SLC1A1: variants seen among roughly 807,000 people sequenced by gnomAD.
SLC1A1 encodes excitatory amino acid transporter 3.
In SLC1A1, 43 loss-of-function variants were observed where a neutral mutation model predicts 53.3. The ratio of observed to expected loss-of-function variants is 0.81; its 90% CI spans 0.63 to 1.04. The LOEUF is 1.04. SLC1A1 is among the 50% of genes least tolerant of loss of function. The probability of loss-of-function intolerance (pLI) is 0.00; values close to 1 mark genes in which losing one functional copy is unlikely to be tolerated. For synonymous variants in SLC1A1, 307 were observed against 243.2 expected (o/e 1.26, Z -2.44); for missense variants, 748 against 664.9 (o/e 1.12, Z -1.37).
At position 4,583,120 on chromosome 9, in the gene SLC1A1, G is replaced by T; in HGVS notation, c.1276G>T (p.Val426Leu). 5.0e-6 allele frequency: 8 copies of T among 1,614,170 alleles called. No homozygotes were observed. The highest frequency in any genetic ancestry group is 6.8e-6 in the Non-Finnish European group (8 of 1,180,024). ...LVTMVIVLSA[V>L]GLPAEDVTLI... ...GACCATGGTGATTGTGCTGAGTGCC[G>T]TGGGCCTGCCCGCCGAGGATGTCAC... The change falls in exon 11 of 12, where the codon GTG becomes TTG. Residue 426 changes from valine to leucine, a missense_variant. Coordinates refer to ENST00000262352, the MANE Select transcript of SLC1A1 (RefSeq NM_004170.6). The surrounding 1 kb of genome is among the most constrained non-coding windows in gnomAD (Gnocchi z 4.6).
chr9:4,556,621 G>T lies in SLC1A1; in HGVS notation c.233-4828G>T, dbSNP rs1426296388. 2.0e-5 allele frequency among the ~76,000 whole-genome samples: 3 copies of T among 152,178 alleles called. No homozygotes were observed. The highest frequency in any genetic ancestry group is 2.1e-4 in the South Asian group (1 of 4,834). On this transcript the variant is annotated intron_variant, in intron 2 of 11. Transcript: ENST00000262352. The surrounding 1 kb of genome is among the most constrained non-coding windows in gnomAD (Gnocchi z 4.1). ...AGGGCAAATGAGGTTTTACTTGTTT[G>T]GGACTAAGTTGGGCCTGATCTTCGA...
At chr9:4,573,509 C>G (rs1216095217) in intron 7 of SLC1A1, among the ~76,000 whole-genome samples, 10 of 152,102 alleles carry the variant, frequency 6.6e-5, no homozygotes, top group Non-Finnish European at 1.5e-5. Context: ...ATTGCTGATA[C>G]CTGGGAAACA....
At chr9:4,515,123 G>A (rs1821121729) in intron 1 of SLC1A1, among the ~76,000 whole-genome samples, 1 of 151,434 alleles carries the variant, frequency 6.6e-6, no homozygotes, top group African/African-American at 2.4e-5. Flanking sequence ...GCAGCTTCAA[G>A]GCAGCTGGAC....
intron 2 of SLC1A1, chr9:4,554,494 G>C (rs993350366): frequency 1.1e-4 from 16 of 152,260 alleles, no homozygotes. Context: ...GTTTAGGGTG[G>C]ATAATCAGGG....
At position 4,585,575 on chromosome 9, in the gene SLC1A1, T is replaced by C. The variant is rs767393387; in HGVS notation, c.*17T>C. On this transcript the variant is annotated 3_prime_UTR_variant, in exon 12 of 12. Transcript: ENST00000262352. ...CAGTTCTAGGGCCCCTGGCTGCAGA[T>C]GACTGGAAACAAGGAAGGACATTTC... 8 of 1,614,098 alleles carry C rather than the reference T, an allele frequency of 5.0e-6. No individual in the cohort carries two copies. Among genetic ancestry groups the C allele is most frequent in the African/African-American group, 1.3e-5 (1 of 74,936 alleles).
At chr9:4,561,021 A>G (rs988388760) in intron 2 of SLC1A1, among the ~76,000 whole-genome samples, 6 of 152,176 alleles carry the variant, frequency 3.9e-5, no homozygotes, top group African/African-American at 1.4e-4. Flanking sequence ...ACAAACAACA[A>G]CAACAACAAA....
intron 2 of SLC1A1, among the ~76,000 whole-genome samples, chr9:4,559,090 C>T (rs1564037104): frequency 6.6e-6 from 1 of 152,130 alleles, no homozygotes; most frequent in Non-Finnish European, 1.5e-5. Flanking sequence ...AGATAGTGAA[C>T]TTGTTTCTGA....
At chr9:4,522,672 A>G (rs1275185591) in intron 1 of SLC1A1, among the ~76,000 whole-genome samples, 1 of 152,190 alleles carries the variant, frequency 6.6e-6, no homozygotes, top group Non-Finnish European at 1.5e-5. Context: ...ATCATGGCAA[A>G]AGGGGAAGCA....
intron 2 of SLC1A1, among the ~76,000 whole-genome samples, chr9:4,552,152 T>C (rs1291135871): frequency 1.3e-5 from 2 of 152,210 alleles, no homozygotes; most frequent in African/African-American, 2.4e-5. Flanking sequence ...GGACCTTCTA[T>C]ATATTGGAGG....
At chr9:4,522,550 G>A (rs1162159325) in intron 1 of SLC1A1, among the ~76,000 whole-genome samples, 1 of 151,994 alleles carries the variant, frequency 6.6e-6, no homozygotes, top group Non-Finnish European at 1.5e-5. Context: ...ATCTGTATTA[G>A]CCTGTTCTGA....
chr9:4,541,724 C>G (rs983947418), intron 1 of SLC1A1, among the ~76,000 whole-genome samples: 1 of 152,194 alleles, frequency 6.6e-6, no homozygotes, highest in Admixed American at 6.5e-5. Flanking sequence ...AAAGTTTCAA[C>G]GGCTGAGATT....
intron 3 of SLC1A1, among the ~76,000 whole-genome samples, chr9:4,562,652 G>A (rs1206660229): frequency 1.3e-5 from 2 of 152,118 alleles, no homozygotes; most frequent in African/African-American, 2.4e-5. Flanking sequence ...CCACCTATGA[G>A]TGAGAATATG....
At chr9:4,535,016 T>G (rs200067491) in intron 1 of SLC1A1, among the ~76,000 whole-genome samples, 6 of 151,890 alleles carry the variant, frequency 4.0e-5, no homozygotes, top group Admixed American at 1.3e-4. Flanking sequence ...AACCCTTCAT[T>G]CTAAAAACTC....
intron 1 of SLC1A1, among the ~76,000 whole-genome samples, chr9:4,507,334 T>G (rs1359165403): frequency 6.6e-6 from 1 of 152,156 alleles, no homozygotes; most frequent in African/African-American, 2.4e-5. Flanking sequence ...TGGTCTCTGG[T>G]GGTCATCCCA....
At chr9:4,505,156 C>G (rs1820761595) in intron 1 of SLC1A1, among the ~76,000 whole-genome samples, 1 of 147,536 alleles carries the variant, frequency 6.8e-6, no homozygotes, top group South Asian at 2.2e-4. Flanking sequence ...AAGCGATTCT[C>G]CTGCCTCAGC....
chr9:4,569,457 T>C (rs1170573908), intron 6 of SLC1A1, among the ~76,000 whole-genome samples: 2 of 152,226 alleles, frequency 1.3e-5, no homozygotes, highest in African/African-American at 2.4e-5. Context: ...TATAAACTTA[T>C]CAATAAAATC....
intron 1 of SLC1A1, among the ~76,000 whole-genome samples, chr9:4,512,239 G>A (rs944796035): frequency 2.0e-5 from 3 of 152,176 alleles, no homozygotes; most frequent in Non-Finnish European, 1.5e-5. Context: ...GAGGCAGGGT[G>A]CGGTGGCTCA....
At chr9:4,542,890 A>G (rs928209) in intron 1 of SLC1A1, among the ~76,000 whole-genome samples, 48,726 of 152,066 alleles carry the variant, frequency 0.32, 9,317 homozygotes, top group Non-Finnish European at 0.42. Flanking sequence ...CTTAGCTACA[A>G]TTTGGGAAAT....
At chr9:4,559,074 AAT>A (rs1236626314) in intron 2 of SLC1A1, among the ~76,000 whole-genome samples, 1 of 152,182 alleles carries the variant, frequency 6.6e-6, no homozygotes, top group Non-Finnish European at 1.5e-5. Flanking sequence ...ACCTAAACTA[AAT>A]ATGAGATAGT....
Sources: allele counts gnomAD v4.1 joint callset (sites outside exome capture counted in the v4.1 genomes callset), GRCh38; gene constraint gnomAD v4.1.1; non-coding constraint Gnocchi (gnomAD v3.1); transcripts MANE v1.5; gene names NCBI Gene and HGNC (gene_info 2026-07-23, HGNC 2026-07-21).